Variants in DNAH3 observed in about 807,000 individuals in gnomAD.
DNAH3 encodes dynein axonemal heavy chain 3.
DNAH3 carries 332 observed loss-of-function variants against 432.5 expected under a neutral mutation model. The ratio of observed to expected loss-of-function variants is 0.77; its 90% CI spans 0.70 to 0.84. The LOEUF (loss-of-function observed/expected upper bound fraction) is 0.84. Ranked by LOEUF, DNAH3 falls within the 40% of genes least tolerant of loss-of-function variation. The pLI, the probability that DNAH3 is intolerant of heterozygous loss-of-function variation, is 0.00. For missense variants in DNAH3, 4,861 were observed against 5,114.0 expected (o/e 0.95, Z 1.51); for synonymous variants, 1,956 against 1,900.2 (o/e 1.03, Z -0.76).
chr16:21,083,305 T>A (rs186403051), intron 19 of DNAH3, among the ~76,000 whole-genome samples: 1 of 152,178 alleles, frequency 6.6e-6, no homozygotes, highest in Non-Finnish European at 1.5e-5. Flanking sequence ...CGTGAGCCAC[T>A]GCACCTGGCC....
chr16:21,051,712 G>T (rs115512938), exon 29 of DNAH3: 7 of 1,613,590 alleles, frequency 4.3e-6, no homozygotes, highest in African/African-American at 4.0e-5. Flanking sequence ...CAGCCGGGGG[G>T]AGTTTCCCAG....
chr16:21,071,289 G>A (rs1022316454), intron 21 of DNAH3, among the ~76,000 whole-genome samples: 15 of 151,986 alleles, frequency 9.9e-5, no homozygotes, highest in Non-Finnish European at 8.8e-5. Flanking sequence ...TGATCCACCC[G>A]CCTCGGCCTC....
At chr16:21,114,183 C>G (rs938308434) in intron 12 of DNAH3, among the ~76,000 whole-genome samples, 2 of 152,284 alleles carry the variant, frequency 1.3e-5, no homozygotes, top group African/African-American at 2.4e-5. Flanking sequence ...GTAGCTGTAA[C>G]TGCAGAAAGC....
At chr16:21,013,719 C>CAAAAAAAAAAAAAAAAAA (rs557641711) in intron 41 of DNAH3, among the ~76,000 whole-genome samples, 3 of 47,426 alleles carry the variant, frequency 6.3e-5, no homozygotes, top group African/African-American at 8.8e-5. Flanking sequence ...AACTCCATCT[C>CAAAAAAAAAAAAAAAAAA]AAAAAAAAAA....
At chr16:21,067,185 A>C in intron 24 of DNAH3, 98 bp downstream of exon 24, 1 of 1,311,200 alleles carries the variant, frequency 7.6e-7, no homozygotes, top group Non-Finnish European at 1.1e-6. Context: ...AAGAGTATGG[A>C]CTAGATTGGT....
At chr16:20,982,979 G>A in intron 48 of DNAH3, 93 bp from the exon 49 acceptor site, 1 of 1,427,942 alleles carries the variant, frequency 7.0e-7, no homozygotes, top group Non-Finnish European at 9.7e-7. Flanking sequence ...GGTGGGGTAA[G>A]TGGGGGCAGG....
chr16:21,080,130 C>G (rs895836350), intron 20 of DNAH3, among the ~76,000 whole-genome samples: 11 of 152,268 alleles, frequency 7.2e-5, no homozygotes, highest in Admixed American at 5.9e-4. Context: ...AACCCCGTCT[C>G]TACCAAAAAT....
exon 62 of DNAH3, chr16:20,933,239 A>T (rs753711407): frequency 4.3e-6 from 7 of 1,614,088 alleles, no homozygotes; most frequent in African/African-American, 1.3e-5. Flanking sequence ...AATGGAGAGG[A>T]CATAGTTGGT....
At chr16:21,014,973 G>T (rs898706129) in intron 41 of DNAH3, among the ~76,000 whole-genome samples, 9 of 152,148 alleles carry the variant, frequency 5.9e-5, no homozygotes, top group African/African-American at 1.9e-4. Flanking sequence ...CCATGTTTAT[G>T]AATAGAAAGA....
intron 11 of DNAH3, 21 bp from the exon 12 acceptor site, chr16:21,117,360 T>C (rs1234243748): frequency 1.5e-6 from 2 of 1,354,096 alleles, no homozygotes; most frequent in African/African-American, 1.4e-5. Flanking sequence ...AACACCACTT[T>C]TGCATGTTGC....
At chr16:20,964,873 C>T (rs865977116) in exon 53 of DNAH3, 1 of 1,614,138 alleles carries the variant, frequency 6.2e-7, no homozygotes, top group Non-Finnish European at 8.5e-7. Flanking sequence ...AGCCACAGTT[C>T]CTGAGGACAG....
chr16:21,130,073 A>AATTC (rs1019994547), intron 7 of DNAH3: 1 of 146,374 alleles, frequency 6.8e-6, no homozygotes, highest in African/African-American at 2.5e-5. Context: ...GAATGAATGA[A>AATTC]TGAATGACTA....
chr16:20,959,320 G>A, exon 54 of DNAH3: 1 of 1,614,212 alleles, frequency 6.2e-7, no homozygotes, highest in Non-Finnish European at 8.5e-7. Flanking sequence ...CATTTTGGCA[G>A]CAATAGGGCC....
At position 20,975,552 on chromosome 16, in the gene DNAH3, AT is replaced by A. The variant is rs1272738787; in HGVS notation, c.8077-138del. ...GATTTTGACATGGTCCTGGGTACAGATTCGTTTCCTAGTGATTATCTCATAG... is the reference window on the plus strand; with the variant it reads ...GATTTTGACATGGTCCTGGGTACAGATCGTTTCCTAGTGATTATCTCATAG... On this transcript the variant is annotated intron_variant, in intron 50 of 61. Coordinates refer to ENST00000261383, the Ensembl canonical transcript of DNAH3. 3 of 835,056 alleles carry A rather than the reference AT, an allele frequency of 3.6e-6. No individual in the cohort carries two copies. In the African/African-American group the frequency reaches 5.1e-5, roughly 14 times the overall value. 51.7% of individuals were successfully genotyped at this position (835,056 alleles called of 1,614,324 possible).
chr16:20,937,621 C>CA (rs2083643518), intron 59 of DNAH3, among the ~76,000 whole-genome samples: 1 of 150,782 alleles, frequency 6.6e-6, no homozygotes, highest in Admixed American at 6.6e-5. Flanking sequence ...CTCGATCTCC[C>CA]AGGCTCAAGG....
intron 11 of DNAH3, among the ~76,000 whole-genome samples, chr16:21,119,180 G>A (rs2092278386): frequency 1.3e-5 from 2 of 152,182 alleles, no homozygotes; most frequent in African/African-American, 2.4e-5. Flanking sequence ...CACAATTGGT[G>A]CCCCCAGGCC....
exon 10 of DNAH3, chr16:21,122,079 T>C (rs1264349012): frequency 2.5e-6 from 4 of 1,613,604 alleles, no homozygotes; most frequent in South Asian, 1.1e-5. Context: ...AGCTGAGGTA[T>C]GAAAAACTTC....
At chr16:20,981,500 G>A (rs771915671) in intron 49 of DNAH3, among the ~76,000 whole-genome samples, 12 of 152,044 alleles carry the variant, frequency 7.9e-5, no homozygotes, top group Admixed American at 4.6e-4. Flanking sequence ...TTGGGAGGCC[G>A]AGGTGGGCAA....
chr16:21,064,335 T>C (rs1325504806), intron 24 of DNAH3, among the ~76,000 whole-genome samples: 1 of 152,192 alleles, frequency 6.6e-6, no homozygotes, highest in Non-Finnish European at 1.5e-5. Context: ...GGATGCTGAC[T>C]GATGGCTGAC....
Sources: gnomAD v4.1 joint callset for allele counts (sites outside exome capture counted in the v4.1 genomes callset) on GRCh38, gnomAD v4.1.1 for gene constraint, MANE v1.5 for transcripts, NCBI Gene and HGNC (gene_info 2026-07-23, HGNC 2026-07-21) for gene names.